Variants in ZMAT4 observed in about 807,000 individuals in gnomAD.
ZMAT4 encodes zinc finger matrin-type 4, also known as zinc finger matrin-type protein 4.
ZMAT4 carries 17 observed loss-of-function variants against 28.7 expected under a neutral mutation model. The observed-to-expected ratio is 0.59, with a 90% confidence interval of 0.41 to 0.89. The LOEUF (loss-of-function observed/expected upper bound fraction) is 0.89. Ranked by LOEUF, ZMAT4 falls within the 40% of genes least tolerant of loss-of-function variation. The pLI is 0.00. For missense variants in ZMAT4, 240 were observed against 283.8 expected (o/e 0.85, Z 1.11); for synonymous variants, 117 against 109.2 (o/e 1.07, Z -0.44).
chr8:40,738,059 G>A (rs754069187), intron 3 of ZMAT4, among the ~76,000 whole-genome samples: 10 of 152,138 alleles, frequency 6.6e-5, no homozygotes, highest in Non-Finnish European at 1.3e-4. Context: ...AGAAAAGCAG[G>A]AAGGGACGGG....
At chr8:40,855,094 G>A (rs566896903) in intron 1 of ZMAT4, among the ~76,000 whole-genome samples, 2 of 152,240 alleles carry the variant, frequency 1.3e-5, no homozygotes, top group Admixed American at 6.5e-5. Context: ...TGGCATTCAC[G>A]GGTTTTTGCA....
At chr8:40,602,283 G>A (rs184665746) in intron 5 of ZMAT4, among the ~76,000 whole-genome samples, 4 of 152,282 alleles carry the variant, frequency 2.6e-5, no homozygotes, top group Non-Finnish European at 5.9e-5. Flanking sequence ...CACTTGGGCT[G>A]GTTCCGTATT....
intron 5 of ZMAT4, among the ~76,000 whole-genome samples, chr8:40,658,824 G>C (rs1472625015): frequency 6.6e-6 from 1 of 152,030 alleles, no homozygotes; most frequent in Non-Finnish European, 1.5e-5. Flanking sequence ...TCAGCCCTGA[G>C]GAAAATAGCC....
chr8:40,744,324 G>A (rs1396918175), intron 3 of ZMAT4, among the ~76,000 whole-genome samples: 1 of 152,220 alleles, frequency 6.6e-6, no homozygotes, highest in Non-Finnish European at 1.5e-5. Flanking sequence ...TAGGGGTGAA[G>A]ATGGGGTAGG....
chr8:40,881,571 AAAGAAAG>A (rs1187021151), intron 1 of ZMAT4, among the ~76,000 whole-genome samples: 2 of 105,882 alleles, frequency 1.9e-5, no homozygotes, highest in Admixed American at 9.7e-5. Context: ...AGAAAGAAAG[AAAGAAAG>A]AAAGAAAGAA....
At chr8:40,684,207 G>T (rs1014376091) in intron 4 of ZMAT4, among the ~76,000 whole-genome samples, 2 of 152,194 alleles carry the variant, frequency 1.3e-5, no homozygotes, top group Non-Finnish European at 2.9e-5. Context: ...AAAGTACAGA[G>T]ACATTAAGAC....
At chr8:40,896,274 G>A (rs1450272436) in intron 1 of ZMAT4, among the ~76,000 whole-genome samples, 1 of 152,186 alleles carries the variant, frequency 6.6e-6, no homozygotes, top group Non-Finnish European at 1.5e-5. Context: ...GTGCCCTGAG[G>A]AAGAGGTGTC....
intron 6 of ZMAT4, among the ~76,000 whole-genome samples, chr8:40,547,373 G>A (rs188121368): frequency 1.6e-4 from 24 of 152,288 alleles, no homozygotes; most frequent in African/African-American, 5.3e-4. Flanking sequence ...GCAGCAGCTC[G>A]CTGTTAAGAA....
At chr8:40,702,742 C>T (rs1048662998) in intron 3 of ZMAT4, among the ~76,000 whole-genome samples, 7 of 152,280 alleles carry the variant, frequency 4.6e-5, no homozygotes, top group South Asian at 2.1e-4. Flanking sequence ...AGAAAACACA[C>T]GAGTTAGCTA....
intron 5 of ZMAT4, among the ~76,000 whole-genome samples, chr8:40,599,067 T>C (rs1805201762): frequency 6.6e-6 from 1 of 152,222 alleles, no homozygotes. Flanking sequence ...TGCCTGACAT[T>C]GACCCCTATT....
At chr8:40,667,834 TAA>T (rs112035846) in intron 5 of ZMAT4, among the ~76,000 whole-genome samples, 102 of 134,486 alleles carry the variant, frequency 7.6e-4, no homozygotes, top group African/African-American at 8.4e-4. Context: ...GTCCATTATT[TAA>T]AAAAAAAAAA....
At chr8:40,832,527 G>A (rs1304482460) in intron 1 of ZMAT4, among the ~76,000 whole-genome samples, 1 of 152,132 alleles carries the variant, frequency 6.6e-6, no homozygotes, top group Non-Finnish European at 1.5e-5. Context: ...TCCACCAGAT[G>A]ATGCCCCCTG....
At chr8:40,617,893 A>G (rs1806067275) in intron 5 of ZMAT4, among the ~76,000 whole-genome samples, 1 of 152,246 alleles carries the variant, frequency 6.6e-6, no homozygotes, top group Admixed American at 6.5e-5. Flanking sequence ...TTGCTTTTTC[A>G]AAATGAAAAA....
intron 5 of ZMAT4, 71 bp downstream of exon 5, chr8:40,674,633 C>T (rs891870184): frequency 2.7e-5 from 34 of 1,241,634 alleles, no homozygotes; most frequent in Admixed American, 3.7e-5. Flanking sequence ...AGAATCATTC[C>T]GATTTGTGAA....
chr8:40,689,626 A>G (rs527702877), intron 4 of ZMAT4, among the ~76,000 whole-genome samples: 1 of 152,078 alleles, frequency 6.6e-6, no homozygotes, highest in African/African-American at 2.4e-5. Flanking sequence ...TCTCAATTTC[A>G]TAGACTAGAC....
intron 2 of ZMAT4, among the ~76,000 whole-genome samples, chr8:40,778,515 C>G (rs900325223): frequency 3.3e-5 from 5 of 152,160 alleles, no homozygotes; most frequent in African/African-American, 9.7e-5. Context: ...AGCTATAATA[C>G]TGTAGAAAAA....
At chr8:40,746,899 C>T (rs1431162175) in intron 3 of ZMAT4, among the ~76,000 whole-genome samples, 1 of 152,062 alleles carries the variant, frequency 6.6e-6, no homozygotes, top group Non-Finnish European at 1.5e-5. Flanking sequence ...ACCTTCTTAC[C>T]CAGTAAAAGC....
intron 6 of ZMAT4, among the ~76,000 whole-genome samples, chr8:40,538,700 A>G (rs932550188): frequency 2.0e-5 from 3 of 151,836 alleles, no homozygotes; most frequent in African/African-American, 7.3e-5. Context: ...TCTCTCCCCT[A>G]ATCTTTCCTG....
chr8:40,721,696 T>C (rs1452748101), intron 3 of ZMAT4, among the ~76,000 whole-genome samples: 3 of 151,890 alleles, frequency 2.0e-5, no homozygotes, highest in South Asian at 2.1e-4. Context: ...TGGTATCTCA[T>C]AGTGGTTTTG....
Sources: allele counts gnomAD v4.1 joint callset (sites outside exome capture counted in the v4.1 genomes callset), GRCh38; gene constraint gnomAD v4.1.1; transcripts MANE v1.5; gene names NCBI Gene and HGNC (gene_info 2026-07-23, HGNC 2026-07-21).